The following HTT variants were observed in gnomAD, a reference collection of about 807,000 sequenced individuals.
HTT encodes huntington disease protein.
Under a neutral mutation model 362.3 loss-of-function variants are expected in HTT, and 104 were observed. The observed-to-expected ratio is 0.29, with a 90% CI of 0.24 to 0.34. HTT has a LOEUF of 0.34. HTT is among the 10% of genes least tolerant of loss of function. The pLI is 1.00. For synonymous variants in HTT, 1,577 were observed against 1,548.7 expected, an observed-to-expected ratio of 1.02 and a Z score of -0.43; for missense variants, 3,301 against 3,928.6, an observed-to-expected ratio of 0.84 and a Z score of 4.27.
intron 52 of HTT, 138 bp from the exon 53 acceptor site, chr4:3,220,044 G>T (rs1306828542): frequency 3.4e-6 from 3 of 890,628 alleles, no homozygotes; most frequent in Non-Finnish European, 3.5e-6. Context: ...GTTTTCTGGG[G>T]GAGAAGGTGC....
intron 27 of HTT, among the ~76,000 whole-genome samples, chr4:3,154,921 C>CT (rs918161587): frequency 2.6e-5 from 4 of 151,952 alleles, no homozygotes; most frequent in East Asian, 3.9e-4. Flanking sequence ...TTTGGAGGAC[C>CT]TTTTTTTACC....
intron 41 of HTT, 29 bp downstream of exon 41, chr4:3,199,968 G>T: frequency 6.3e-7 from 1 of 1,583,892 alleles, no homozygotes; most frequent in Non-Finnish European, 8.6e-7. Context: ...ACAGCCCAGG[G>T]CGCCAGCCCA....
chr4:3,200,753 G>T (rs189688531), intron 41 of HTT, among the ~76,000 whole-genome samples: 1 of 152,238 alleles, frequency 6.6e-6, no homozygotes, highest in Non-Finnish European at 1.5e-5. Context: ...ACTCTGTGCC[G>T]TATGTAGTGG....
intron 6 of HTT, among the ~76,000 whole-genome samples, chr4:3,108,076 C>T (rs1714529802): frequency 6.6e-6 from 1 of 152,120 alleles, no homozygotes; most frequent in African/African-American, 2.4e-5. Flanking sequence ...GGCAAACTGC[C>T]CAACAGCTCT....
At chr4:3,214,724 C>G (rs1179824771) in intron 50 of HTT, among the ~76,000 whole-genome samples, 1 of 152,114 alleles carries the variant, frequency 6.6e-6, no homozygotes, top group Non-Finnish European at 1.5e-5. Flanking sequence ...TTGTTTTCAT[C>G]TGTGCATTTG....
At chr4:3,173,543 A>G (rs1718088847) in intron 31 of HTT, among the ~76,000 whole-genome samples, 1 of 152,238 alleles carries the variant, frequency 6.6e-6, no homozygotes, top group African/African-American at 2.4e-5. Flanking sequence ...AACAAGGATG[A>G]AAGAACAGCT....
chr4:3,142,901 T>C lies in HTT; in HGVS notation c.3066+15T>C. On this transcript the variant is annotated intron_variant, in intron 23 of 66. Transcript: ENST00000355072. ...GAGCACTCACAGTAAGTCTCTTTCTTGATCGGTCTTACTGACATTGTAATA... is the reference window on the plus strand; with the variant it reads ...GAGCACTCACAGTAAGTCTCTTTCTCGATCGGTCTTACTGACATTGTAATA... The C allele has an allele frequency of 6.2e-7, 1 of 1,609,960 alleles. No individual in the cohort carries two copies. The highest frequency in any genetic ancestry group is 1.1e-5 in the South Asian group (1 of 90,950).
chr4:3,222,326 A>G, intron 53 of HTT, 61 bp from the exon 54 acceptor site: 2 of 1,436,072 alleles, frequency 1.4e-6, no homozygotes, highest in Non-Finnish European at 2.0e-6. Flanking sequence ...CGTAGCTGTC[A>G]GCTCTCCGTT....
At chr4:3,168,256 T>C (rs1717806410) in intron 29 of HTT, among the ~76,000 whole-genome samples, 1 of 152,184 alleles carries the variant, frequency 6.6e-6, no homozygotes, top group Non-Finnish European at 1.5e-5. Context: ...TGACCTTGCT[T>C]AGGTGAAGGC....
intron 12 of HTT, among the ~76,000 whole-genome samples, chr4:3,127,951 A>G (rs111364543): frequency 6.6e-6 from 1 of 151,938 alleles, no homozygotes; most frequent in African/African-American, 2.4e-5. Context: ...GCAACAGAGC[A>G]AGACTCCATT....
chr4:3,172,794 G>A, intron 30 of HTT, 114 bp from the exon 31 acceptor site: 1 of 769,328 alleles, frequency 1.3e-6, no homozygotes, highest in East Asian at 2.5e-5. Context: ...ATTTCACGCT[G>A]TGAGTCTTTG....
chr4:3,154,863 A>C (rs973836317), intron 27 of HTT, among the ~76,000 whole-genome samples: 2 of 152,264 alleles, frequency 1.3e-5, no homozygotes, highest in African/African-American at 4.8e-5. Flanking sequence ...GGCGAGAGAA[A>C]GTGGGGATAA....
At position 3,213,667 on chromosome 4, in the gene HTT, C is replaced by T. The variant is rs1379865361; in HGVS notation, c.6775-291C>T. 3.9e-5 allele frequency among the ~76,000 whole-genome samples: 6 copies of T among 152,350 alleles called. No individual in the cohort carries two copies. In the Middle Eastern group the frequency reaches 0.017, roughly 432 times the overall value. On this transcript the variant is annotated intron_variant, in intron 49 of 66. Coordinates refer to ENST00000355072, the MANE Select transcript of HTT (RefSeq NM_001388492.1). The stretch of plus-strand genomic sequence containing the variant: ...GGAGCCCCAAGGAAGAGCCTCTGGC[C>T]TGGTGGCCACGTAGCCCAGGAGAGA...
chr4:3,152,403 A>T (rs532024748), intron 26 of HTT, among the ~76,000 whole-genome samples: 1 of 151,724 alleles, frequency 6.6e-6, no homozygotes, highest in African/African-American at 2.4e-5. Flanking sequence ...CAGCCAGGAA[A>T]CAGCATTCTT....
chr4:3,117,971 A>C (rs1350638688), intron 8 of HTT, among the ~76,000 whole-genome samples: 2 of 152,226 alleles, frequency 1.3e-5, no homozygotes, highest in African/African-American at 4.8e-5. Context: ...CATCTAAATA[A>C]AATTGGTCGA....
In HTT at chr4:3,204,247, G is replaced by T. The variant is rs761054319; in HGVS notation, c.5718+99G>T. 4 of 1,181,722 alleles carry T rather than the reference G, an allele frequency of 3.4e-6. No individual in the cohort carries two copies. The East Asian group carries it at 7.1e-5, about 21-fold the overall frequency. 73.2% of individuals were successfully genotyped at this position (1,181,722 alleles called of 1,614,324 possible). ...GCATGGACCCTCTGGAACCCAGACC[G>T]CCCGGTGTCCTGCCAAGCTCCATCG... On this transcript the variant is annotated intron_variant, in intron 42 of 66. Coordinates refer to ENST00000355072, the MANE Select transcript of HTT (RefSeq NM_001388492.1).
At chr4:3,238,376 AG>A in intron 64 of HTT, 70 bp from the exon 65 acceptor site, 2 of 1,221,862 alleles carry the variant, frequency 1.6e-6, no homozygotes, top group Non-Finnish European at 2.3e-6. Flanking sequence ...ATTAGAGCCA[AG>A]GCCCTCCGCG....
At chr4:3,171,962 A>G (rs1051253235) in intron 29 of HTT, among the ~76,000 whole-genome samples, 7 of 152,210 alleles carry the variant, frequency 4.6e-5, no homozygotes, top group Non-Finnish European at 7.3e-5. Flanking sequence ...TTCACTGAAC[A>G]TATTCAGGGG....
intron 26 of HTT, among the ~76,000 whole-genome samples, chr4:3,152,391 C>T (rs1280265455): frequency 6.6e-6 from 1 of 152,190 alleles, no homozygotes; most frequent in Non-Finnish European, 1.5e-5. Flanking sequence ...AGCTACCGCT[C>T]CCAGCCAGGA....
Sources: gnomAD v4.1 joint callset for allele counts (sites outside exome capture counted in the v4.1 genomes callset) on GRCh38, gnomAD v4.1.1 for gene constraint, MANE v1.5 for transcripts, NCBI Gene and HGNC (gene_info 2026-07-23, HGNC 2026-07-21) for gene names.